Variants in GRID1 observed in about 807,000 individuals in gnomAD.
GRID1 encodes the protein glutamate ionotropic receptor delta type subunit 1, also known as glutamate receptor ionotropic, delta-1.
A neutral mutation model predicts 98.0 loss-of-function variants in GRID1; 28 were observed. That is an observed-to-expected ratio of 0.29 (90% CI 0.21 to 0.39). The LOEUF is 0.39. Among genes scored for constraint, GRID1 ranks in the 10% least tolerant of loss-of-function variants. The pLI, the probability that GRID1 is intolerant of heterozygous loss-of-function variation, is 1.00. For missense variants in GRID1, 1,111 were observed against 1,340.5 expected, an observed-to-expected ratio of 0.83 and a Z score of 2.67; for synonymous variants, 553 against 538.5, an observed-to-expected ratio of 1.03 and a Z score of -0.37.
chr10:85,756,620 C>T (rs899070548), intron 8 of GRID1, among the ~76,000 whole-genome samples: 5 of 152,158 alleles, frequency 3.3e-5, no homozygotes, highest in Admixed American at 6.5e-5. Flanking sequence ...GACTTCATCA[C>T]GTTACTTAAA....
At chr10:86,293,914 T>C (rs1564731123) in intron 2 of GRID1, among the ~76,000 whole-genome samples, 1 of 152,148 alleles carries the variant, frequency 6.6e-6, no homozygotes, top group Non-Finnish European at 1.5e-5. Context: ...AAATGGCTGA[T>C]GGATAAAAAA....
chr10:85,652,509 C>A (rs1843285682), intron 12 of GRID1, among the ~76,000 whole-genome samples: 1 of 152,110 alleles, frequency 6.6e-6, no homozygotes, highest in African/African-American at 2.4e-5. Flanking sequence ...TGGAGTGGCT[C>A]AAAAGACACG....
intron 8 of GRID1, among the ~76,000 whole-genome samples, chr10:85,799,969 A>G (rs2132751338): frequency 6.6e-6 from 1 of 152,248 alleles, no homozygotes. Context: ...AAAACATCAC[A>G]CTGTACCCTA....
intron 13 of GRID1, among the ~76,000 whole-genome samples, chr10:85,621,785 A>C (rs559313030): frequency 6.0e-4 from 92 of 152,092 alleles, no homozygotes; most frequent in Non-Finnish European, 1.0e-3. Context: ...CAATCCTATA[A>C]ATTTTTCCTG....
At chr10:85,984,481 A>G (rs532890828) in intron 4 of GRID1, among the ~76,000 whole-genome samples, 2 of 152,230 alleles carry the variant, frequency 1.3e-5, no homozygotes, top group African/African-American at 4.8e-5. Flanking sequence ...GCCTTCTCCC[A>G]CGGCTGTGCT....
intron 2 of GRID1, among the ~76,000 whole-genome samples, chr10:86,313,035 A>G (rs1026963510): frequency 6.6e-6 from 1 of 152,244 alleles, no homozygotes; most frequent in Admixed American, 6.5e-5. Context: ...GCCACAGCTC[A>G]GCTAGCACAG....
intron 12 of GRID1, among the ~76,000 whole-genome samples, chr10:85,675,738 T>C (rs932438881): frequency 5.3e-5 from 8 of 152,196 alleles, no homozygotes; most frequent in African/African-American, 1.7e-4. Context: ...TGGTATAAAA[T>C]TGCCATGCAG....
intron 8 of GRID1, among the ~76,000 whole-genome samples, chr10:85,816,710 C>T (rs7923503): frequency 0.25 from 38,750 of 151,964 alleles, 5,270 homozygotes; most frequent in East Asian, 0.4. Context: ...ATTATTTTAA[C>T]GTTTATTTGA....
intron 4 of GRID1, among the ~76,000 whole-genome samples, chr10:86,105,860 C>G (rs974166212): frequency 3.9e-5 from 6 of 152,132 alleles, no homozygotes; most frequent in African/African-American, 7.2e-5. Context: ...ACAGGTCACC[C>G]AGGAATGCTG....
At position 86,219,687 on chromosome 10, in the gene GRID1, C is replaced by T. The variant is rs537768239; in HGVS notation, c.236-13039G>A. Among the ~76,000 whole-genome samples, 4 of 152,340 alleles carry T rather than the reference C, an allele frequency of 2.6e-5. No homozygotes were observed. In the East Asian group the frequency reaches 7.7e-4, roughly 29 times the overall value. On this transcript the variant is annotated intron_variant, in intron 2 of 15. Coordinates refer to ENST00000327946, the MANE Select transcript of GRID1 (RefSeq NM_017551.3). ...GGTAAATGGAGCGGGTTCCCCCATC[C>T]CAGGTCCTTTCTGTTCTTTATATCT...
At chr10:86,098,643 C>T (rs745588805) in intron 4 of GRID1, among the ~76,000 whole-genome samples, 36 of 152,226 alleles carry the variant, frequency 2.4e-4, no homozygotes, top group African/African-American at 7.5e-4. Flanking sequence ...CACCAGGTTA[C>T]GGGCAAGTGT....
At chr10:85,809,076 G>A (rs1842646592) in intron 8 of GRID1, among the ~76,000 whole-genome samples, 1 of 151,902 alleles carries the variant, frequency 6.6e-6, no homozygotes, top group Non-Finnish European at 1.5e-5. Context: ...GTCGAGAATT[G>A]TAAAATAAAA....
intron 8 of GRID1, among the ~76,000 whole-genome samples, chr10:85,777,262 T>C (rs1330371960): frequency 4.6e-5 from 7 of 152,166 alleles, no homozygotes; most frequent in Non-Finnish European, 1.0e-4. Flanking sequence ...TGGGGTCCAC[T>C]CTCTCCCCTG....
chr10:86,244,427 T>C (rs1022534709), intron 2 of GRID1, among the ~76,000 whole-genome samples: 1 of 152,218 alleles, frequency 6.6e-6, no homozygotes, highest in African/African-American at 2.4e-5. Context: ...GATCTGATGC[T>C]CCCGCCCTAA....
At chr10:86,335,028 C>T (rs1848204100) in intron 2 of GRID1, among the ~76,000 whole-genome samples, 1 of 152,260 alleles carries the variant, frequency 6.6e-6, no homozygotes, top group Non-Finnish European at 1.5e-5. Context: ...CCACCTAGCA[C>T]ATCCTGCTGT....
At chr10:85,838,847 T>C (rs1350093707) in intron 8 of GRID1, among the ~76,000 whole-genome samples, 2 of 151,948 alleles carry the variant, frequency 1.3e-5, no homozygotes, top group South Asian at 2.1e-4. Flanking sequence ...TAAGCACAAG[T>C]GGCAAGCTGG....
At chr10:85,617,092 A>G (rs1045973984) in intron 14 of GRID1, among the ~76,000 whole-genome samples, 6 of 152,324 alleles carry the variant, frequency 3.9e-5, no homozygotes, top group South Asian at 2.1e-4. Context: ...GCAGTTCCAC[A>G]TAAGGCTGGG....
Position 85,916,308 on chromosome 10 carries a change from G to A in GRID1, c.727-69C>T, listed in dbSNP as rs1035732819. On this transcript the variant is annotated intron_variant, in intron 4 of 15. Coordinates refer to ENST00000327946, the MANE Select transcript of GRID1 (RefSeq NM_017551.3). The surrounding 1 kb of genome is among the most constrained non-coding windows in gnomAD (Gnocchi z 4.0). ...AGCTGGCAGACACAGGATGATTGCC[G>A]AGACAGAGTTTTATAAACATTGTTC... is the stretch of plus-strand genomic sequence containing the variant. 22 of 1,114,956 alleles carry A rather than the reference G, an allele frequency of 2.0e-5. No homozygotes were observed. The highest frequency in any genetic ancestry group is 3.7e-5 in the South Asian group (3 of 80,200). 69.1% of individuals were successfully genotyped at this position (1,114,956 alleles called of 1,614,324 possible).
intron 12 of GRID1, among the ~76,000 whole-genome samples, chr10:85,712,203 A>T (rs1841589346): frequency 6.6e-6 from 1 of 151,838 alleles, no homozygotes; most frequent in Non-Finnish European, 1.5e-5. Context: ...ACATTTACTT[A>T]AAAGTAGAGA....
Sources: allele counts gnomAD v4.1 joint callset (sites outside exome capture counted in the v4.1 genomes callset), GRCh38; gene constraint gnomAD v4.1.1; non-coding constraint Gnocchi (gnomAD v3.1); transcripts MANE v1.5; gene names NCBI Gene and HGNC (gene_info 2026-07-23, HGNC 2026-07-21).